Variants in FAM216A observed in about 807,000 individuals in gnomAD.
The protein encoded by FAM216A is family with sequence similarity 216 member A, also known as protein FAM216A.
A neutral mutation model predicts 37.6 loss-of-function variants in FAM216A; 26 were observed. That is an observed-to-expected ratio of 0.69 (90% CI 0.51 to 0.96). The LOEUF (loss-of-function observed/expected upper bound fraction) is 0.96, where lower values mean the gene tolerates loss of function less well. Among genes scored for constraint, FAM216A ranks in the 40% least tolerant of loss-of-function variants. The probability of loss-of-function intolerance (pLI) is 0.00; values close to 1 mark genes in which losing one functional copy is unlikely to be tolerated. For missense variants in FAM216A, 326 were observed against 339.3 expected (o/e 0.96, Z 0.31); for synonymous variants, 110 against 121.7 (o/e 0.90, Z 0.64).
intron 6 of FAM216A, among the ~76,000 whole-genome samples, chr12:110,488,838 C>T (rs2062792256): frequency 6.6e-6 from 1 of 152,094 alleles, no homozygotes; most frequent in Non-Finnish European, 1.5e-5. Context: ...AATAATAGAA[C>T]AATTTTATAA....
upstream of FAM216A, chr12:110,468,641 A>G (rs955129203): frequency 4.6e-6 from 7 of 1,536,986 alleles, no homozygotes; most frequent in African/African-American, 8.2e-5. Flanking sequence ...GAGCATGTAT[A>G]TTTCCCTCCT....
At chr12:110,473,150 A>G (rs756119738) in intron 2 of FAM216A, 32 bp downstream of exon 2, 4 of 1,273,598 alleles carry the variant, frequency 3.1e-6, no homozygotes, top group African/African-American at 1.5e-5. Context: ...GATAATACTT[A>G]TAAGTAACAT....
chr12:110,487,680 T>A, intron 5 of FAM216A, 181 bp from the exon 6 acceptor site: 1 of 592,386 alleles, frequency 1.7e-6, no homozygotes, highest in Non-Finnish European at 3.0e-6. Context: ...AGCATGAGTA[T>A]TGAAATTGCA....
In FAM216A at chr12:110,486,681, A is replaced by G. The variant is rs1477285233; in HGVS notation, c.584A>G (p.Gln195Arg). The change falls in exon 5 of 7, where the codon CAG (glutamine) becomes CGG (arginine). Residue 195 changes from glutamine (Q) to arginine (R), a missense_variant. Physicochemically the swap from Gln to Arg is conservative, Grantham distance 43 (BLOSUM62 1). Coordinates refer to ENST00000377673, the MANE Select transcript of FAM216A (RefSeq NM_013300.3). ...AAASAPEMLI[Q>R]HSLWRPVRNK... ...GCATCTGCACCTGAAATGCTCATAC[A>G]GCATTCCCTTTGGCGGCCAGTGAGA... 10 of 1,613,954 alleles carry G rather than the reference A, an allele frequency of 6.2e-6. No homozygotes were observed. In the African/African-American group the frequency reaches 1.1e-4, roughly 17 times the overall value.
intron 1 of FAM216A, among the ~76,000 whole-genome samples, chr12:110,470,927 A>G (rs2062683252): frequency 6.6e-6 from 1 of 152,164 alleles, no homozygotes; most frequent in Admixed American, 6.6e-5. Context: ...GAAATACAAA[A>G]TAAAATTTTC....
chr12:110,475,111 T>C (rs1332058882), intron 2 of FAM216A, among the ~76,000 whole-genome samples: 2 of 152,230 alleles, frequency 1.3e-5, no homozygotes, highest in Non-Finnish European at 2.9e-5. Flanking sequence ...TATTGCTGTT[T>C]ATAATTGGAG....
At chr12:110,487,594 A>G (rs1464844596) in intron 5 of FAM216A, 1 of 347,510 alleles carries the variant, frequency 2.9e-6, no homozygotes, top group Non-Finnish European at 5.2e-6. Context: ...TAATGCAAAT[A>G]CTTTCAAAAG....
At chr12:110,482,874 G>A (rs956221709) in intron 2 of FAM216A, among the ~76,000 whole-genome samples, 8 of 151,262 alleles carry the variant, frequency 5.3e-5, no homozygotes, top group African/African-American at 1.2e-4. Flanking sequence ...TCTCAAAATC[G>A]TTAGGTTGAG....
At chr12:110,471,894 C>T (rs1336030259) in intron 1 of FAM216A, among the ~76,000 whole-genome samples, 1 of 152,156 alleles carries the variant, frequency 6.6e-6, no homozygotes, top group Non-Finnish European at 1.5e-5. Flanking sequence ...AGAAACATTA[C>T]AGACCAACTT....
chr12:110,482,566 C>T (rs887776782), intron 2 of FAM216A, among the ~76,000 whole-genome samples: 17 of 151,606 alleles, frequency 1.1e-4, no homozygotes, highest in Non-Finnish European at 2.4e-4. Context: ...GAGGCTGAGG[C>T]GGTCAGATCA....
rs188871996 is a variant in FAM216A, at chr12:110,481,477, T to C, written c.185-3601T>C. ...CTTCTGCCTCAGCCTCCCAAGTAGC[T>C]GGGATTACAGGGGTGTGACACCATG... On this transcript the variant is annotated intron_variant, in intron 2 of 6. Coordinates refer to ENST00000377673, the MANE Select transcript of FAM216A (RefSeq NM_013300.3). Among the ~76,000 whole-genome samples the C allele has an allele frequency of 5.1e-4, 78 of 152,026 alleles. 1 individual carries two copies. In the East Asian group the frequency reaches 0.012, roughly 24 times the overall value.
At chr12:110,473,373 G>A (rs2062697550) in intron 2 of FAM216A, among the ~76,000 whole-genome samples, 1 of 151,964 alleles carries the variant, frequency 6.6e-6, no homozygotes, top group Admixed American at 6.6e-5. Flanking sequence ...CACCATGCCT[G>A]GCTAATTTTT....
At position 110,483,101 on chromosome 12, in the gene FAM216A, A is replaced by G. The variant is rs565209854; in HGVS notation, c.185-1977A>G. ...AGCACTTTGGGAGGCCAAGGCGGGC[A>G]GATCACGAGGTCAGGAGATCAAGAC... On this transcript the variant is annotated intron_variant, in intron 2 of 6. Transcript: ENST00000377673. Among the ~76,000 whole-genome samples, 61 of 151,456 alleles carry G rather than the reference A, an allele frequency of 4.0e-4. 1 individual carries two copies. The South Asian group carries it at 9.2e-3, about 23-fold the overall frequency.
chr12:110,471,904 T>G (rs553923263), intron 1 of FAM216A, among the ~76,000 whole-genome samples: 1 of 150,206 alleles, frequency 6.7e-6, no homozygotes, highest in South Asian at 2.1e-4. Flanking sequence ...CAGACCAACT[T>G]ATTAGTTCTA....
At chr12:110,479,182 T>C (rs959368203) in intron 2 of FAM216A, among the ~76,000 whole-genome samples, 4 of 151,286 alleles carry the variant, frequency 2.6e-5, no homozygotes, top group African/African-American at 7.3e-5. Context: ...AAAAAAATTA[T>C]ATATTTAAAG....
chr12:110,488,881 G>C (rs1425565785), intron 6 of FAM216A, among the ~76,000 whole-genome samples: 1 of 152,132 alleles, frequency 6.6e-6, no homozygotes, highest in Non-Finnish European at 1.5e-5. Flanking sequence ...TGTGAATGTG[G>C]TCTCTCTCAA....
At chr12:110,478,711 G>A (rs1207629343) in intron 2 of FAM216A, among the ~76,000 whole-genome samples, 1 of 152,092 alleles carries the variant, frequency 6.6e-6, no homozygotes, top group African/African-American at 2.4e-5. Context: ...TCCAGCCCAG[G>A]CACCCCGATG....
chr12:110,472,975 C>CAAAAAA (rs879057348), intron 1 of FAM216A, 103 bp from the exon 2 acceptor site: 6 of 87,248 alleles, frequency 6.9e-5, no homozygotes, highest in Admixed American at 1.9e-4. Context: ...GACCCTGTCT[C>CAAAAAA]AAAAAAAAAA....
At chr12:110,475,657 G>A (rs187773293) in intron 2 of FAM216A, among the ~76,000 whole-genome samples, 6 of 149,230 alleles carry the variant, frequency 4.0e-5, no homozygotes, top group Non-Finnish European at 7.4e-5. Flanking sequence ...CTGCAGCCTC[G>A]ACCTCCCTGG....
Sources: gnomAD v4.1 joint callset for allele counts (sites outside exome capture counted in the v4.1 genomes callset) on GRCh38, gnomAD v4.1.1 for gene constraint, MANE v1.5 for transcripts, NCBI Gene and HGNC (gene_info 2026-07-23, HGNC 2026-07-21) for gene names.